The following TTC39B variants were observed in gnomAD, a reference collection of about 807,000 sequenced individuals.
TTC39B encodes tetratricopeptide repeat domain 39B, also known as tetratricopeptide repeat protein 39B.
In TTC39B, 92 loss-of-function variants were observed where a neutral mutation model predicts 96.6. The ratio of observed to expected loss-of-function variants is 0.95; its 90% CI spans 0.80 to 1.13. The LOEUF is 1.13. Among genes scored for constraint, TTC39B ranks in the 50% most tolerant of loss-of-function variants. The pLI, the probability that TTC39B is intolerant of heterozygous loss-of-function variation, is 0.00. For missense variants in TTC39B, 955 were observed against 809.3 expected (o/e 1.18, Z -2.18); for synonymous variants, 367 against 299.4 (o/e 1.23, Z -2.33).
intron 1 of TTC39B, among the ~76,000 whole-genome samples, chr9:15,295,361 T>G (rs1372187804): frequency 6.6e-6 from 1 of 152,210 alleles, no homozygotes; most frequent in Non-Finnish European, 1.5e-5. Context: ...GCAGGCTGCA[T>G]TTAACCTCTT....
At chr9:15,290,894 A>G (rs1824165749) in intron 1 of TTC39B, among the ~76,000 whole-genome samples, 1 of 152,162 alleles carries the variant, frequency 6.6e-6, no homozygotes, top group African/African-American at 2.4e-5. Context: ...CGTATCCTCT[A>G]TCTTGGCAAA....
intron 4 of TTC39B, among the ~76,000 whole-genome samples, chr9:15,212,896 A>G (rs1820289675): frequency 6.6e-6 from 1 of 152,238 alleles, no homozygotes; most frequent in Admixed American, 6.5e-5. Flanking sequence ...AATAACTTCT[A>G]GTATTTAATA....
chr9:15,226,211 AT>A (rs1821117138), intron 2 of TTC39B, among the ~76,000 whole-genome samples, 199 bp from the exon 3 acceptor site: 1 of 152,122 alleles, frequency 6.6e-6, no homozygotes, highest in Non-Finnish European at 1.5e-5. Context: ...TAATAACTTT[AT>A]TTTTTCATTC....
At chr9:15,296,246 T>G (rs908387021) in intron 1 of TTC39B, among the ~76,000 whole-genome samples, 4 of 152,232 alleles carry the variant, frequency 2.6e-5, no homozygotes, top group African/African-American at 9.6e-5. Context: ...GGTAAAAGTC[T>G]ATGTGATGAA....
At chr9:15,267,741 A>C (rs1823187588) in intron 2 of TTC39B, among the ~76,000 whole-genome samples, 173 bp downstream of exon 2, 1 of 152,236 alleles carries the variant, frequency 6.6e-6, no homozygotes, top group Non-Finnish European at 1.5e-5. Context: ...AGTATTAGAT[A>C]GATCCTTTCT....
At chr9:15,246,544 A>G (rs1288087298) in intron 2 of TTC39B, among the ~76,000 whole-genome samples, 38 of 152,168 alleles carry the variant, frequency 2.5e-4, no homozygotes, top group Admixed American at 2.5e-3. Context: ...CCACTTCTTG[A>G]ATCAAGGTGG....
chr9:15,230,956 G>A (rs988931438), intron 2 of TTC39B, among the ~76,000 whole-genome samples: 1 of 150,858 alleles, frequency 6.6e-6, no homozygotes, highest in Admixed American at 6.6e-5. Flanking sequence ...CTGCACTCCA[G>A]CCTGGGTGAC....
At chr9:15,215,608 A>C (rs1820470305) in intron 3 of TTC39B, among the ~76,000 whole-genome samples, 2 of 151,822 alleles carry the variant, frequency 1.3e-5, no homozygotes, top group Non-Finnish European at 2.9e-5. Context: ...CTCTAATCCC[A>C]GCACTTTGGG....
exon 20 of TTC39B, chr9:15,168,215 G>C (rs1252205272): frequency 6.6e-6 from 1 of 152,176 alleles, no homozygotes; most frequent in East Asian, 1.9e-4. Flanking sequence ...TGTGTGGCGA[G>C]GGGCTACTGT....
chr9:15,232,881 C>A (rs1409376642), intron 2 of TTC39B, among the ~76,000 whole-genome samples: 1 of 152,230 alleles, frequency 6.6e-6, no homozygotes, highest in Non-Finnish European at 1.5e-5. Context: ...CCCTTCTCAA[C>A]TGGCTGCTGC....
At chr9:15,279,715 G>A (rs948334236) in intron 1 of TTC39B, among the ~76,000 whole-genome samples, 1 of 152,076 alleles carries the variant, frequency 6.6e-6, no homozygotes, top group Non-Finnish European at 1.5e-5. Flanking sequence ...AGGTTAGGAA[G>A]TGGACCACAC....
At chr9:15,215,122 G>C (rs2131364748) in intron 3 of TTC39B, among the ~76,000 whole-genome samples, 1 of 152,264 alleles carries the variant, frequency 6.6e-6, no homozygotes, top group South Asian at 2.1e-4. Context: ...CAGGCATGTG[G>C]TGTGTGCCTG....
chr9:15,220,164 G>C (rs1456392557), intron 3 of TTC39B, among the ~76,000 whole-genome samples: 1 of 152,162 alleles, frequency 6.6e-6, no homozygotes, highest in Non-Finnish European at 1.5e-5. Flanking sequence ...GAAGTATCCA[G>C]GGTTCTTTTG....
intron 7 of TTC39B, among the ~76,000 whole-genome samples, chr9:15,200,881 C>T (rs1819498123): frequency 6.6e-6 from 1 of 152,246 alleles, no homozygotes; most frequent in African/African-American, 2.4e-5. Context: ...TGCCTGTAGT[C>T]GCAGCTACTC....
chr9:15,273,236 G>A (rs375624944), intron 1 of TTC39B, among the ~76,000 whole-genome samples: 159 of 152,172 alleles, frequency 1.0e-3, no homozygotes, highest in Non-Finnish European at 1.6e-3. Flanking sequence ...ATTAACAGTA[G>A]TAATGTCAAT....
intron 1 of TTC39B, among the ~76,000 whole-genome samples, chr9:15,282,707 G>C (rs568105296): frequency 6.6e-6 from 1 of 152,050 alleles, no homozygotes; most frequent in Non-Finnish European, 1.5e-5. Flanking sequence ...AAAAACCCTC[G>C]GTAGTGGCTT....
At chr9:15,300,089 A>G (rs372644154) in intron 1 of TTC39B, among the ~76,000 whole-genome samples, 1 of 152,182 alleles carries the variant, frequency 6.6e-6, no homozygotes, top group East Asian at 1.9e-4. Context: ...ACTAACTTGC[A>G]TTACCAATTT....
chr9:15,301,353 T>A (rs1350197975), intron 1 of TTC39B, among the ~76,000 whole-genome samples: 2 of 152,242 alleles, frequency 1.3e-5, no homozygotes, highest in African/African-American at 4.8e-5. Context: ...GTGTTTTGCT[T>A]GACGTTGTGC....
At position 15,188,030 on chromosome 9, in the gene TTC39B, T is replaced by A. The variant is rs1333500822; in HGVS notation, c.1336A>T (p.Asn446Tyr). 6.8e-6 allele frequency: 11 copies of A among 1,612,772 alleles called. No individual in the cohort carries two copies. Among genetic ancestry groups the A allele is most frequent in the Non-Finnish European group, 7.6e-6 (9 of 1,179,490 alleles). The change falls in exon 14 of 20, where the codon AAC (asparagine) becomes TAC (tyrosine). Residue 446 changes from asparagine to tyrosine, a missense_variant. Coordinates refer to ENST00000512701, the Ensembl canonical transcript of TTC39B. ...GAATAGTAATATGCCTGCATCCAGT[T>A]TTGTTGGAAAACATTAATCCACATT... is the stretch of plus-strand genomic sequence containing the variant.
Sources: gnomAD v4.1 joint callset for allele counts (sites outside exome capture counted in the v4.1 genomes callset) on GRCh38, gnomAD v4.1.1 for gene constraint, MANE v1.5 for transcripts, NCBI Gene and HGNC (gene_info 2026-07-23, HGNC 2026-07-21) for gene names.